EML6: variants seen among roughly 807,000 people sequenced by gnomAD.
EML6 encodes the protein EMAP like 6, also known as echinoderm microtubule-associated protein-like 6.
A neutral mutation model predicts 240.1 loss-of-function variants in EML6; 154 were observed. The ratio of observed to expected loss-of-function variants is 0.64; its 90% CI spans 0.56 to 0.73. The LOEUF (loss-of-function observed/expected upper bound fraction) is 0.73, where lower values mean the gene tolerates loss of function less well. EML6 is among the 30% of genes least tolerant of loss of function. EML6 has a pLI of 0.00. For missense variants in EML6, 2,964 were observed against 2,474.6 expected (o/e 1.20, Z -4.20); for synonymous variants, 1,148 against 899.0 (o/e 1.28, Z -4.95).
intron 28 of EML6, among the ~76,000 whole-genome samples, chr2:54,945,110 C>T (rs1271382115): frequency 1.7e-5 from 2 of 117,916 alleles, no homozygotes; most frequent in East Asian, 2.7e-4. Flanking sequence ...TCCCACTCCT[C>T]CCTCTCTCCT....
chr2:54,928,479 G>A lies in EML6; in HGVS notation c.3842G>A (p.Ser1281Asn). 1 of 1,548,458 alleles carries A rather than the reference G, an allele frequency of 6.5e-7. No homozygotes were observed. Among genetic ancestry groups the A allele is most frequent in the Non-Finnish European group, 8.7e-7 (1 of 1,144,916 alleles). Residue 1281 changes from serine (S) to asparagine (N), a missense_variant, in exon 27 of 42, where the codon AGC becomes AAC. By Grantham distance (46) the Ser-to-Asn change is conservative. Coordinates refer to ENST00000356458, the MANE Select transcript of EML6 (RefSeq NM_001039753.4). Reference sequence around the variant, plus strand: ...ACCCAGGAGAGCAAGCTGGTGGACAGCGAGGAGTCAGACACCGACGTGGAA... The same window carrying A: ...ACCCAGGAGAGCAAGCTGGTGGACAACGAGGAGTCAGACACCGACGTGGAA... ...VGTQESKLVDSEESDTDVEED... is the reference protein window; with the variant it reads ...VGTQESKLVDNEESDTDVEED...
intron 21 of EML6, among the ~76,000 whole-genome samples, chr2:54,896,027 G>A (rs1013651003): frequency 6.6e-6 from 1 of 152,200 alleles, no homozygotes. Context: ...CTCAAAGGGA[G>A]GTGATTATGC....
At chr2:54,814,059 C>T (rs771018874) in intron 3 of EML6, among the ~76,000 whole-genome samples, 59 of 152,198 alleles carry the variant, frequency 3.9e-4, no homozygotes, top group African/African-American at 1.2e-3. Flanking sequence ...CAACTGAAAA[C>T]GGTGTGAAAG....
rs1677008535 is a variant in EML6 at position 54,971,452 on chromosome 2, C to T, written c.*1357C>T. 2 of 152,264 alleles carry T rather than the reference C, an allele frequency of 1.3e-5. No individual in the cohort carries two copies. The highest frequency in any genetic ancestry group is 1.3e-4 in the Admixed American group (2 of 15,292). 9.4% of individuals were successfully genotyped at this position (152,264 alleles called of 1,614,324 possible). On this transcript the variant is annotated 3_prime_UTR_variant, in exon 42 of 42. Coordinates refer to ENST00000356458, the MANE Select transcript of EML6 (RefSeq NM_001039753.4). Reference sequence around the variant, plus strand: ...CTGGTCAGTGAACGAAAATTCTAGACCTACAGTTACTGGCTACTTGCATTT... The same window carrying T: ...CTGGTCAGTGAACGAAAATTCTAGATCTACAGTTACTGGCTACTTGCATTT...
intron 7 of EML6, among the ~76,000 whole-genome samples, chr2:54,836,262 T>C (rs746798718): frequency 2.0e-5 from 3 of 152,186 alleles, no homozygotes; most frequent in Non-Finnish European, 2.9e-5. Flanking sequence ...GCCAGCCTTA[T>C]GTAAAAGCTA....
intron 2 of EML6, among the ~76,000 whole-genome samples, chr2:54,781,592 T>C (rs1668860376): frequency 1.3e-5 from 2 of 152,206 alleles, no homozygotes; most frequent in African/African-American, 4.8e-5. Context: ...TTAAAGCTCA[T>C]ATCTAATACT....
Position 54,820,465 on chromosome 2 carries a change from A to G in EML6, c.525+3A>G. On this transcript the variant is annotated splice_donor_region_variant and intron_variant, in intron 5 of 41. Coordinates refer to ENST00000356458, the MANE Select transcript of EML6 (RefSeq NM_001039753.4). ...GCTGTGGAGTAAAACACATAAAGGT[A>G]AAGCTTTTTGTTTTTTAATTTTGGT... is the stretch of plus-strand genomic sequence containing the variant. 6.5e-7 allele frequency: 1 copy of G among 1,528,286 alleles called. No homozygotes were observed. Among genetic ancestry groups the G allele is most frequent in the Non-Finnish European group, 8.9e-7 (1 of 1,129,418 alleles). The allele number at this position is 1,528,286 out of a possible 1,614,324, so 94.7% of individuals were successfully genotyped here.
intron 8 of EML6, among the ~76,000 whole-genome samples, chr2:54,846,974 C>T (rs931545429): frequency 1.4e-5 from 2 of 143,670 alleles, no homozygotes; most frequent in Non-Finnish European, 3.0e-5. Flanking sequence ...GGCTGGAGTG[C>T]GGTGGCAGGA....
At chr2:54,785,955 A>G (rs111417570) in intron 2 of EML6, among the ~76,000 whole-genome samples, 59 of 150,906 alleles carry the variant, frequency 3.9e-4, no homozygotes, top group African/African-American at 1.2e-3. Context: ...ATATATTTGT[A>G]TGTGTGTGTG....
At chr2:54,790,384 A>C (rs1423483028) in intron 2 of EML6, among the ~76,000 whole-genome samples, 1 of 152,192 alleles carries the variant, frequency 6.6e-6, no homozygotes, top group Non-Finnish European at 1.5e-5. Context: ...TTCATTGTGG[A>C]GCGGGGAAGC....
intron 2 of EML6, among the ~76,000 whole-genome samples, chr2:54,750,826 A>G (rs1309716484): frequency 6.6e-6 from 1 of 152,140 alleles, no homozygotes; most frequent in African/African-American, 2.4e-5. Flanking sequence ...CATTTTAGAC[A>G]TATGACTGTA....
chr2:54,965,253 C>G (rs1422791249), intron 38 of EML6, among the ~76,000 whole-genome samples: 1 of 152,210 alleles, frequency 6.6e-6, no homozygotes, highest in African/African-American at 2.4e-5. Flanking sequence ...AATGATTTCT[C>G]TAGCACTCAA....
chr2:54,802,662 ACTACTG>A (rs921655681), intron 2 of EML6, among the ~76,000 whole-genome samples: 4 of 145,650 alleles, frequency 2.7e-5, no homozygotes, highest in African/African-American at 5.3e-5. Flanking sequence ...TACTACTACT[ACTACTG>A]CTACTACTAC....
rs1449878748 is a variant in EML6 at position 54,847,765 on chromosome 2, A to G, written c.1187+142A>G. ...GAATACTATAGATCTACGATCCCCT[A>G]TCTGTAATTCTGAAGTCCTAACACT... is the stretch of plus-strand genomic sequence containing the variant. On this transcript the variant is annotated intron_variant, in intron 9 of 41. Coordinates refer to ENST00000356458, the MANE Select transcript of EML6 (RefSeq NM_001039753.4). 2.3e-5 allele frequency: 21 copies of G among 931,340 alleles called. 1 individual carries two copies. Among genetic ancestry groups the G allele is most frequent in the Non-Finnish European group, 2.8e-5 (18 of 641,492 alleles). The allele number at this position is 931,340 out of a possible 1,614,324, so 57.7% of individuals were successfully genotyped here.
chr2:54,766,457 A>G (rs1458302381), intron 2 of EML6, among the ~76,000 whole-genome samples: 1 of 152,112 alleles, frequency 6.6e-6, no homozygotes, highest in Non-Finnish European at 1.5e-5. Flanking sequence ...TTTTCTTACA[A>G]TTTTGTTTAT....
chr2:54,785,210 A>G (rs549772609), intron 2 of EML6, among the ~76,000 whole-genome samples: 13 of 126,072 alleles, frequency 1.0e-4, no homozygotes, highest in South Asian at 2.4e-4. Context: ...GAGTCTCACT[A>G]TGTTGCCCAG....
At chr2:54,879,918 C>T (rs149719978) in intron 17 of EML6, 8 of 316,540 alleles carry the variant, frequency 2.5e-5, no homozygotes, top group Admixed American at 4.7e-5. Flanking sequence ...TATCAAAGCA[C>T]TTCAGCAATA....
intron 24 of EML6, among the ~76,000 whole-genome samples, chr2:54,907,847 C>T (rs1449306304): frequency 6.6e-6 from 1 of 152,006 alleles, no homozygotes; most frequent in Non-Finnish European, 1.5e-5. Flanking sequence ...TTCTGCTCCT[C>T]ATCCTCAGAA....
chr2:54,884,512 T>A (rs911830329), intron 17 of EML6, among the ~76,000 whole-genome samples: 3 of 152,192 alleles, frequency 2.0e-5, no homozygotes, highest in Admixed American at 6.5e-5. Flanking sequence ...ACTGCTTTGG[T>A]CTTTCTGGTG....
Sources: allele counts gnomAD v4.1 joint callset (sites outside exome capture counted in the v4.1 genomes callset), GRCh38; gene constraint gnomAD v4.1.1; transcripts MANE v1.5; gene names NCBI Gene and HGNC (gene_info 2026-07-23, HGNC 2026-07-21).